ARL15: variants seen among roughly 807,000 people sequenced by gnomAD.
The protein encoded by ARL15 is ARF like GTPase 15.
ARL15 carries 19 observed loss-of-function variants against 25.2 expected under a neutral mutation model. The observed-to-expected ratio is 0.75, with a 90% CI of 0.53 to 1.10. ARL15 has a LOEUF of 1.10. Among genes scored for constraint, ARL15 ranks in the 50% least tolerant of loss-of-function variants. The probability of loss-of-function intolerance (pLI) is 0.00; values close to 1 mark genes in which losing one functional copy is unlikely to be tolerated. For synonymous variants in ARL15, 94 were observed against 86.8 expected (o/e 1.08, Z -0.46); for missense variants, 220 against 246.0 (o/e 0.89, Z 0.71).
At chr5:54,067,141 C>G (rs1316042689) in intron 4 of ARL15, 2 of 152,712 alleles carry the variant, frequency 1.3e-5, no homozygotes, top group East Asian at 3.9e-4. Flanking sequence ...TGCTAAACAT[C>G]AAAATATTTT....
intron 4 of ARL15, among the ~76,000 whole-genome samples, chr5:53,896,790 C>T (rs569486782): frequency 2.3e-4 from 35 of 152,354 alleles, no homozygotes; most frequent in African/African-American, 7.2e-4. Context: ...AGCCACCGCG[C>T]CCAGCCCAAA....
At chr5:53,982,673 T>A (rs1323626033) in intron 4 of ARL15, among the ~76,000 whole-genome samples, 1 of 152,204 alleles carries the variant, frequency 6.6e-6, no homozygotes, top group Non-Finnish European at 1.5e-5. Flanking sequence ...TATTGTAGAA[T>A]GATTTATAAT....
At chr5:54,298,607 C>CA (rs1263597802) in intron 1 of ARL15, among the ~76,000 whole-genome samples, 4 of 152,070 alleles carry the variant, frequency 2.6e-5, no homozygotes, top group Admixed American at 2.6e-4. Flanking sequence ...TCTCATAAAA[C>CA]ATTCATTGGA....
intron 1 of ARL15, among the ~76,000 whole-genome samples, chr5:54,276,242 T>C (rs1757926771): frequency 6.6e-6 from 1 of 152,210 alleles, no homozygotes. Flanking sequence ...TTATAATGAC[T>C]GCAGACATCT....
intron 1 of ARL15, among the ~76,000 whole-genome samples, chr5:54,291,369 T>C (rs1331088276): frequency 6.6e-6 from 1 of 152,254 alleles, no homozygotes; most frequent in African/African-American, 2.4e-5. Flanking sequence ...GCATGTAACC[T>C]ACACATATCC....
In ARL15 at chr5:54,010,827, G is replaced by C. The variant is rs577315951; in HGVS notation, c.462+102375C>G. ...GAGATGGAGAACACGGTGAAACCCCGTCTCTACTGAAAATACAAAAAATTA... is the reference window on the plus strand; with the variant it reads ...GAGATGGAGAACACGGTGAAACCCCCTCTCTACTGAAAATACAAAAAATTA... On this transcript the variant is annotated intron_variant, in intron 4 of 4. Transcript: ENST00000504924. Among the ~76,000 whole-genome samples the C allele has an allele frequency of 3.1e-4, 47 of 152,056 alleles. No homozygotes were observed. In the East Asian group the frequency reaches 8.5e-3, roughly 28 times the overall value.
chr5:54,295,224 A>G (rs149566450), intron 1 of ARL15, among the ~76,000 whole-genome samples: 1 of 152,352 alleles, frequency 6.6e-6, no homozygotes, highest in East Asian at 1.9e-4. Flanking sequence ...CGTGAATATT[A>G]AGTACACATA....
chr5:54,282,516 G>A (rs1339806406), intron 1 of ARL15: 10 of 985,236 alleles, frequency 1.0e-5, no homozygotes, highest in Admixed American at 6.2e-5. Context: ...ATAAAGTCTG[G>A]GGCATGTGGC....
At chr5:53,888,463 CT>C (rs1744608646) in intron 4 of ARL15, among the ~76,000 whole-genome samples, 1 of 151,906 alleles carries the variant, frequency 6.6e-6, no homozygotes, top group African/African-American at 2.4e-5. Flanking sequence ...AAAAAATCTT[CT>C]GTAGAGGTGG....
At chr5:54,109,432 C>A (rs1005829846) in intron 4 of ARL15, among the ~76,000 whole-genome samples, 3 of 151,868 alleles carry the variant, frequency 2.0e-5, no homozygotes, top group African/African-American at 7.2e-5. Context: ...AAAACGTGTT[C>A]TTTTATAAGA....
chr5:54,138,473 G>C (rs1184830316), intron 3 of ARL15, among the ~76,000 whole-genome samples: 1 of 150,408 alleles, frequency 6.6e-6, no homozygotes, highest in Non-Finnish European at 1.5e-5. Context: ...ACCAGATGTA[G>C]AAGAACAAAA....
intron 4 of ARL15, among the ~76,000 whole-genome samples, chr5:53,955,049 TAACTTG>T (rs1747101760): frequency 6.6e-6 from 1 of 151,444 alleles, no homozygotes; most frequent in African/African-American, 2.4e-5. Context: ...ATGTCTTAGT[TAACTTG>T]AAGTTCATCT....
intron 1 of ARL15, among the ~76,000 whole-genome samples, chr5:54,233,739 C>A (rs560593304): frequency 1.4e-3 from 217 of 152,200 alleles, no homozygotes; most frequent in Non-Finnish European, 2.4e-3. Context: ...GAAGACTACT[C>A]ACAATTATCA....
intron 1 of ARL15, among the ~76,000 whole-genome samples, chr5:54,217,313 T>C (rs1756237742): frequency 6.6e-6 from 1 of 151,990 alleles, no homozygotes; most frequent in African/African-American, 2.4e-5. Flanking sequence ...ATATACCAAT[T>C]GCAAATTTAC....
chr5:53,890,576 G>C (rs1367943723), intron 4 of ARL15, among the ~76,000 whole-genome samples: 1 of 152,216 alleles, frequency 6.6e-6, no homozygotes, highest in African/African-American at 2.4e-5. Flanking sequence ...ACAGCTGTCT[G>C]ACAACCTGTG....
rs540260961 is a variant in ARL15, at chr5:54,066,885, G to A, written c.462+46317C>T. Among the ~76,000 whole-genome samples, 13 of 151,982 alleles carry A rather than the reference G, an allele frequency of 8.6e-5. No homozygotes were observed. The South Asian group carries it at 1.9e-3, about 22-fold the overall frequency. On this transcript the variant is annotated intron_variant, in intron 4 of 4. Coordinates refer to ENST00000504924, the MANE Select transcript of ARL15 (RefSeq NM_019087.3). ...AAGTAACAGAAACTAAAGCATAATC[G>A]CCAACATAGAAGGTTATTTTATATA...
chr5:54,124,839 T>C (rs964942092), intron 3 of ARL15, among the ~76,000 whole-genome samples: 3 of 152,174 alleles, frequency 2.0e-5, no homozygotes, highest in Non-Finnish European at 2.9e-5. Flanking sequence ...TGTTACATGG[T>C]GAAGGCTACC....
At chr5:54,071,789 G>A (rs1297908452) in intron 4 of ARL15, among the ~76,000 whole-genome samples, 2 of 151,838 alleles carry the variant, frequency 1.3e-5, no homozygotes, top group African/African-American at 4.8e-5. Flanking sequence ...GGCTAACACG[G>A]TGAAACCCCG....
At chr5:54,008,216 T>TAAC (rs745736808) in intron 4 of ARL15, among the ~76,000 whole-genome samples, 11 of 152,108 alleles carry the variant, frequency 7.2e-5, no homozygotes, top group Non-Finnish European at 1.0e-4. Flanking sequence ...GAGAGATGAG[T>TAAC]AACCACCTAA....
Sources: allele counts gnomAD v4.1 joint callset (sites outside exome capture counted in the v4.1 genomes callset), GRCh38; gene constraint gnomAD v4.1.1; transcripts MANE v1.5; gene names NCBI Gene and HGNC (gene_info 2026-07-23, HGNC 2026-07-21).